ROBO2: variants seen among roughly 807,000 people sequenced by gnomAD.
The protein encoded by ROBO2 is roundabout guidance receptor 2.
Under a neutral mutation model 160.8 loss-of-function variants are expected in ROBO2, and 53 were observed. That is an observed-to-expected ratio of 0.33 (90% CI 0.26 to 0.41). ROBO2 has a LOEUF of 0.41. Among genes scored for constraint, ROBO2 ranks in the 10% least tolerant of loss-of-function variants. The pLI is 1.00. For synonymous variants in ROBO2, 664 were observed against 611.7 expected (o/e 1.09, Z -1.26); for missense variants, 1,577 against 1,722.4 (o/e 0.92, Z 1.49).
At chr3:76,831,306 C>G (rs760909726) in intron 2 of ROBO2, among the ~76,000 whole-genome samples, 1 of 151,954 alleles carries the variant, frequency 6.6e-6, no homozygotes, top group Non-Finnish European at 1.5e-5. Flanking sequence ...CAAAAATATG[C>G]GATTTTGTAA....
intron 2 of ROBO2, among the ~76,000 whole-genome samples, chr3:76,148,838 A>G (rs546736054): frequency 2.0e-5 from 3 of 152,092 alleles, no homozygotes; most frequent in African/African-American, 7.2e-5. Flanking sequence ...GTTTAAAGCT[A>G]TATTTCTGTA....
chr3:76,210,796 C>G (rs910575634), intron 2 of ROBO2, among the ~76,000 whole-genome samples: 2 of 152,044 alleles, frequency 1.3e-5, no homozygotes, highest in East Asian at 3.9e-4. Context: ...GTTCTTTCCC[C>G]TCTAGGTAAG....
chr3:77,484,183 T>A (rs2085043180), intron 4 of ROBO2, among the ~76,000 whole-genome samples: 1 of 152,038 alleles, frequency 6.6e-6, no homozygotes, highest in African/African-American at 2.4e-5. Flanking sequence ...GGTATCATAG[T>A]CTACAGTAGC....
chr3:76,368,524 C>T (rs757922047), intron 2 of ROBO2, among the ~76,000 whole-genome samples: 11 of 151,860 alleles, frequency 7.2e-5, no homozygotes, highest in Non-Finnish European at 1.2e-4. Context: ...AGGCAGGGCT[C>T]AGCTGGGACT....
At chr3:77,462,156 C>A (rs1021540495) in intron 2 of ROBO2, among the ~76,000 whole-genome samples, 12 of 152,120 alleles carry the variant, frequency 7.9e-5, no homozygotes, top group Admixed American at 6.5e-4. Flanking sequence ...GTATTAATAA[C>A]TGTAAGCCGC....
chr3:76,092,331 A>G (rs1464530131), intron 2 of ROBO2, among the ~76,000 whole-genome samples: 1 of 152,140 alleles, frequency 6.6e-6, no homozygotes, highest in Non-Finnish European at 1.5e-5. Context: ...TGCTAGCTTG[A>G]CCCTAGAGGT....
At chr3:77,425,194 A>AG (rs1275846944) in intron 2 of ROBO2, among the ~76,000 whole-genome samples, 1 of 144,316 alleles carries the variant, frequency 6.9e-6, no homozygotes, top group Admixed American at 6.8e-5. Flanking sequence ...TGCAATGGCA[A>AG]GAAAAAAAAA....
chr3:77,282,083 G>A (rs917652353), intron 2 of ROBO2, among the ~76,000 whole-genome samples: 6 of 152,074 alleles, frequency 3.9e-5, no homozygotes, highest in Non-Finnish European at 8.8e-5. Flanking sequence ...AGTTAATACT[G>A]TATTGCTTAG....
At chr3:76,201,035 G>A (rs1702499518) in intron 2 of ROBO2, among the ~76,000 whole-genome samples, 1 of 149,254 alleles carries the variant, frequency 6.7e-6, no homozygotes, top group Non-Finnish European at 1.5e-5. Flanking sequence ...TATTTATATT[G>A]AGCAGGCATT....
At chr3:77,428,339 A>ATT (rs59725522) in intron 2 of ROBO2, among the ~76,000 whole-genome samples, 1,691 of 105,522 alleles carry the variant, frequency 0.016, 210 homozygotes, top group African/African-American at 0.057. Context: ...CTTAGGTAAT[A>ATT]TTTTTTTTTT....
intron 1 of ROBO2, among the ~76,000 whole-genome samples, chr3:75,929,891 C>A (rs1189985496): frequency 3.9e-5 from 6 of 152,154 alleles, no homozygotes; most frequent in Non-Finnish European, 7.4e-5. Context: ...GACTGGGTTT[C>A]ACCATGTTGG....
At chr3:76,909,512 A>T (rs1211132214) in intron 2 of ROBO2, among the ~76,000 whole-genome samples, 1 of 152,156 alleles carries the variant, frequency 6.6e-6, no homozygotes, top group Non-Finnish European at 1.5e-5. Context: ...CCACTGTACA[A>T]CTCATTCATG....
chr3:76,130,455 C>T (rs761653121), intron 2 of ROBO2, among the ~76,000 whole-genome samples: 1 of 152,050 alleles, frequency 6.6e-6, no homozygotes. Context: ...AGAAGTTATA[C>T]AGTCCCTAGG....
At chr3:77,431,430 G>A (rs1200540178) in intron 2 of ROBO2, among the ~76,000 whole-genome samples, 1 of 152,124 alleles carries the variant, frequency 6.6e-6, no homozygotes, top group African/African-American at 2.4e-5. Context: ...TGCTCTACAG[G>A]ATAGTTTTCT....
intron 2 of ROBO2, among the ~76,000 whole-genome samples, chr3:77,324,845 A>G (rs1325797498): frequency 2.0e-5 from 3 of 151,518 alleles, no homozygotes; most frequent in Non-Finnish European, 1.5e-5. Context: ...GAATTTTTAA[A>G]CTAGCGCGTG....
intron 2 of ROBO2, among the ~76,000 whole-genome samples, chr3:77,227,477 A>T (rs2086631845): frequency 6.6e-6 from 1 of 152,236 alleles, no homozygotes; most frequent in Admixed American, 6.5e-5. Context: ...GACTCCTAAA[A>T]TAGGATTGTG....
intron 2 of ROBO2, among the ~76,000 whole-genome samples, chr3:77,107,588 T>A (rs1239227030): frequency 6.6e-6 from 1 of 152,210 alleles, no homozygotes; most frequent in African/African-American, 2.4e-5. Flanking sequence ...GTATTATAAG[T>A]AATCAAGAGA....
At chr3:76,964,701 C>T (rs996351173) in intron 2 of ROBO2, among the ~76,000 whole-genome samples, 4 of 152,124 alleles carry the variant, frequency 2.6e-5, no homozygotes, top group South Asian at 2.1e-4. Flanking sequence ...TCCATCTCTT[C>T]GATTGTGTTA....
chr3:77,459,951 G>C (rs1442872791), intron 2 of ROBO2, among the ~76,000 whole-genome samples: 1 of 151,076 alleles, frequency 6.6e-6, no homozygotes, highest in Non-Finnish European at 1.5e-5. Flanking sequence ...GGAGTGGGTG[G>C]GGGGGTCCTT....
Sources: allele counts gnomAD v4.1 joint callset (sites outside exome capture counted in the v4.1 genomes callset), GRCh38; gene constraint gnomAD v4.1.1; transcripts MANE v1.5; gene names NCBI Gene and HGNC (gene_info 2026-07-23, HGNC 2026-07-21).